The following RPS6KA5 variants were observed in gnomAD, a reference collection of about 807,000 sequenced individuals.
RPS6KA5 encodes ribosomal protein S6 kinase A5, also known as ribosomal protein S6 kinase alpha-5.
A neutral mutation model predicts 85.5 loss-of-function variants in RPS6KA5; 27 were observed. The ratio of observed to expected loss-of-function variants is 0.32; its 90% CI spans 0.23 to 0.44. The LOEUF is 0.44. Among genes scored for constraint, RPS6KA5 ranks in the 20% least tolerant of loss-of-function variants. The pLI, the probability that RPS6KA5 is intolerant of heterozygous loss-of-function variation, is 1.00. For synonymous variants in RPS6KA5, 334 were observed against 348.2 expected (o/e 0.96, Z 0.46); for missense variants, 811 against 980.9 (o/e 0.83, Z 2.31).
intron 1 of RPS6KA5, among the ~76,000 whole-genome samples, chr14:91,006,123 C>T (rs144405378): frequency 3.2e-4 from 48 of 152,264 alleles, no homozygotes; most frequent in Admixed American, 9.8e-4. Context: ...AGGTAAGAAA[C>T]GTGACTAATT....
Position 90,961,793 on chromosome 14 carries a change from C to A in RPS6KA5, c.395-14243G>T, listed in dbSNP as rs116940822. 8.4e-3 allele frequency among the ~76,000 whole-genome samples: 1,275 copies of A among 152,118 alleles called. 13 individuals are homozygous for A. The highest frequency in any genetic ancestry group is 0.014 in the Middle Eastern group (4 of 294). ...GCAATTTACATCTTGCAGTAGTGAA[C>A]CCTGGGCTGTTTTCTCAAAAAAAGT... On this transcript the variant is annotated intron_variant, in intron 3 of 16. Transcript: ENST00000614987.
At chr14:90,918,086 G>A (rs1286130) in intron 7 of RPS6KA5, among the ~76,000 whole-genome samples, 5,571 of 152,194 alleles carry the variant, frequency 0.037, 329 homozygotes, top group South Asian at 0.12. Context: ...AGTGAGTAAC[G>A]TTTAACTTTT....
At chr14:91,050,387 C>CA (rs2043025324) in intron 1 of RPS6KA5, among the ~76,000 whole-genome samples, 5 of 151,890 alleles carry the variant, frequency 3.3e-5, no homozygotes, top group Admixed American at 3.3e-4. Context: ...TCAAAAATAA[C>CA]AAAAACAAAA....
intron 5 of RPS6KA5, among the ~76,000 whole-genome samples, chr14:90,940,309 T>G (rs1034453934): frequency 2.0e-5 from 3 of 152,112 alleles, no homozygotes; most frequent in African/African-American, 4.8e-5. Context: ...CTCTCCTATT[T>G]CATTTTTGCA....
rs549141637 is a variant in RPS6KA5 at position 91,051,490 on chromosome 14, A to G, written c.103+8842T>C. 1.2e-3 allele frequency among the ~76,000 whole-genome samples: 179 copies of G among 150,654 alleles called. 4 individuals are homozygous for G. The South Asian group carries it at 0.037, about 31-fold the overall frequency. ...ACTTTTTATCATGAAACATCCTTTT[A>G]TTTTTTTATTTTTTTGAGACAGAGT... On this transcript the variant is annotated intron_variant, in intron 1 of 16. Coordinates refer to ENST00000614987, the MANE Select transcript of RPS6KA5 (RefSeq NM_004755.4).
intron 1 of RPS6KA5, among the ~76,000 whole-genome samples, chr14:91,023,042 G>A (rs1022349226): frequency 1.2e-4 from 16 of 131,210 alleles, no homozygotes; most frequent in Non-Finnish European, 2.2e-4. Context: ...GTGAGATCAC[G>A]CCACTGCACT....
intron 1 of RPS6KA5, among the ~76,000 whole-genome samples, chr14:91,016,339 T>G (rs891497756): frequency 6.6e-6 from 1 of 152,014 alleles, no homozygotes; most frequent in Non-Finnish European, 1.5e-5. Context: ...GCCTCCCAAG[T>G]GGTCAATTAA....
intron 2 of RPS6KA5, among the ~76,000 whole-genome samples, chr14:90,996,536 T>C (rs1386035549): frequency 6.6e-6 from 1 of 152,176 alleles, no homozygotes; most frequent in Non-Finnish European, 1.5e-5. Context: ...TGACCATATC[T>C]AGAATAAAAC....
At chr14:90,907,369 C>A (rs1393438058) in intron 7 of RPS6KA5, among the ~76,000 whole-genome samples, 1 of 152,144 alleles carries the variant, frequency 6.6e-6, no homozygotes, top group Non-Finnish European at 1.5e-5. Flanking sequence ...AAACTCTGTA[C>A]CTCAGTTTTC....
rs1183708892 is a variant in RPS6KA5, at chr14:90,875,244, T to C, written c.1953A>G (p.Glu651=). 1 of 1,613,884 alleles carries C rather than the reference T, an allele frequency of 6.2e-7. No homozygotes were observed. Among genetic ancestry groups the C allele is most frequent in the Non-Finnish European group, 8.5e-7 (1 of 1,179,912 alleles). Reference sequence around the variant, plus strand: ...CCTCTTGGGATACATTCTTCCAGGCTTCTCCTTCAAAGGAGAAATCTCCCT... The same window carrying C: ...CCTCTTGGGATACATTCTTCCAGGCCTCTCCTTCAAAGGAGAAATCTCCCT... The part of the protein sequence containing the change: ...IKKGDFSFEG[E]AWKNVSQEAK... Residue 651 remains glutamate, a synonymous_variant, in exon 15 of 17, where the codon GAA becomes GAG. Transcript: ENST00000614987.
At chr14:90,911,070 A>AC (rs1399951747) in intron 7 of RPS6KA5, among the ~76,000 whole-genome samples, 1 of 151,906 alleles carries the variant, frequency 6.6e-6, no homozygotes, top group African/African-American at 2.4e-5. Flanking sequence ...AATAGCCATT[A>AC]CCCCCATACT....
intron 1 of RPS6KA5, among the ~76,000 whole-genome samples, chr14:91,014,949 A>G (rs1263501524): frequency 6.6e-6 from 1 of 152,240 alleles, no homozygotes; most frequent in Non-Finnish European, 1.5e-5. Context: ...GCCAAGGAAC[A>G]CTAATTTGTT....
At chr14:90,941,806 C>T (rs2037586867) in intron 5 of RPS6KA5, among the ~76,000 whole-genome samples, 1 of 152,168 alleles carries the variant, frequency 6.6e-6, no homozygotes, top group Admixed American at 6.5e-5. Context: ...TTTCTCTTTT[C>T]CCTTTGGAGT....
At chr14:90,875,804 A>T (rs2033424677) in intron 14 of RPS6KA5, among the ~76,000 whole-genome samples, 2 of 151,168 alleles carry the variant, frequency 1.3e-5, no homozygotes, top group South Asian at 4.2e-4. Flanking sequence ...TCGCAAGGAC[A>T]AAAAACCAAA....
At chr14:91,015,165 T>G (rs1373131332) in intron 1 of RPS6KA5, among the ~76,000 whole-genome samples, 1 of 152,176 alleles carries the variant, frequency 6.6e-6, no homozygotes, top group Non-Finnish European at 1.5e-5. Flanking sequence ...AAAAGCTAGT[T>G]CCCTCAAGTG....
chr14:90,852,309 T>A lies in RPS6KA5; in HGVS notation c.*19765A>T, dbSNP rs947323764. The A allele has an allele frequency of 1.3e-5, 2 of 152,084 alleles. No individual in the cohort carries two copies. Among genetic ancestry groups the A allele is most frequent in the Non-Finnish European group, 2.9e-5 (2 of 67,996 alleles). The allele number at this position is 152,084 out of a possible 1,614,324, so 9.4% of individuals were successfully genotyped here. A position where few individuals can be genotyped will look rare whatever the true frequency, so the allele number is the denominator to read the frequency against. ...CGGGGTTTCACCATGTTAGCCAGGATGGTCTCGACCTCGTGATCTGCCCGC... is the reference window on the plus strand; with the variant it reads ...CGGGGTTTCACCATGTTAGCCAGGAAGGTCTCGACCTCGTGATCTGCCCGC... On this transcript the variant is annotated 3_prime_UTR_variant, in exon 17 of 17. Coordinates refer to ENST00000614987, the MANE Select transcript of RPS6KA5 (RefSeq NM_004755.4).
At chr14:90,971,319 G>GA (rs565694136) in intron 3 of RPS6KA5, among the ~76,000 whole-genome samples, 37 of 151,142 alleles carry the variant, frequency 2.4e-4, no homozygotes, top group African/African-American at 4.4e-4. Flanking sequence ...ATCTCAAAAA[G>GA]AAAAAAAAAT....
intron 1 of RPS6KA5, among the ~76,000 whole-genome samples, chr14:91,043,495 A>G (rs2042677522): frequency 6.6e-6 from 1 of 152,202 alleles, no homozygotes; most frequent in African/African-American, 2.4e-5. Context: ...TTACTTCTTG[A>G]GTAACCCTGA....
intron 5 of RPS6KA5, among the ~76,000 whole-genome samples, chr14:90,939,528 T>C (rs1243436353): frequency 6.6e-6 from 1 of 152,224 alleles, no homozygotes; most frequent in Non-Finnish European, 1.5e-5. Context: ...AGAGGTTTAA[T>C]GGACTTACAG....
Sources: allele counts gnomAD v4.1 joint callset (sites outside exome capture counted in the v4.1 genomes callset), GRCh38; gene constraint gnomAD v4.1.1; transcripts MANE v1.5; gene names NCBI Gene and HGNC (gene_info 2026-07-23, HGNC 2026-07-21).